Variants in YLPM1 observed in about 807,000 individuals in gnomAD.
YLPM1 encodes YLP motif-containing protein 1.
A neutral mutation model predicts 230.0 loss-of-function variants in YLPM1; 99 were observed. That is an observed-to-expected ratio of 0.43 (90% CI 0.37 to 0.51). The LOEUF (loss-of-function observed/expected upper bound fraction) is 0.51. Ranked by LOEUF, YLPM1 falls within the 20% of genes least tolerant of loss-of-function variation. The pLI, the probability that YLPM1 is intolerant of heterozygous loss-of-function variation, is 0.00. For missense variants in YLPM1, 2,592 were observed against 2,707.7 expected (o/e 0.96, Z 0.95); for synonymous variants, 984 against 942.5 (o/e 1.04, Z -0.81).
intron 1 of YLPM1, among the ~76,000 whole-genome samples, chr14:74,778,163 A>C (rs1365327340): frequency 6.6e-6 from 1 of 152,228 alleles, no homozygotes; most frequent in Non-Finnish European, 1.5e-5. Context: ...ATTTATCAAA[A>C]AGATGGCTCT....
At chr14:74,769,673 A>G (rs2090954892) in intron 1 of YLPM1, among the ~76,000 whole-genome samples, 1 of 150,400 alleles carries the variant, frequency 6.6e-6, no homozygotes, top group African/African-American at 2.4e-5. Context: ...TCCACCTGCT[A>G]CGGCCTCCCA....
intron 6 of YLPM1, among the ~76,000 whole-genome samples, chr14:74,803,899 T>C (rs1306413254): frequency 6.6e-6 from 1 of 152,220 alleles, no homozygotes; most frequent in Admixed American, 6.5e-5. Flanking sequence ...GGCTCACACC[T>C]GTAATCCCAG....
intron 4 of YLPM1, among the ~76,000 whole-genome samples, chr14:74,789,940 C>T (rs2091190318): frequency 6.6e-6 from 1 of 150,774 alleles, no homozygotes; most frequent in Admixed American, 6.6e-5. Flanking sequence ...TTTTTTTAAA[C>T]CTTCAAGAAT....
chr14:74,783,200 G>T (rs1215600740), intron 4 of YLPM1, among the ~76,000 whole-genome samples: 1 of 152,068 alleles, frequency 6.6e-6, no homozygotes, highest in Admixed American at 6.6e-5. Context: ...AGGTGGCTGG[G>T]ACCAGAGGTG....
At chr14:74,773,965 C>T (rs2091006406) in intron 1 of YLPM1, among the ~76,000 whole-genome samples, 1 of 151,948 alleles carries the variant, frequency 6.6e-6, no homozygotes, top group African/African-American at 2.4e-5. Flanking sequence ...AGGTGACCTG[C>T]CCGCCTAGAC....
rs765242229 is a variant in YLPM1, at chr14:74,798,102, C to A, written c.2805C>A (p.Ile935=). ...ATGTTCAAAGTATGGAGACTCAAAT[C>A]GACAAAGCCCAAGCTGTTACTCAGC... is the stretch of plus-strand genomic sequence containing the variant. ...DQNVQSMETQ[I]DKAQAVTQPV... The change falls in exon 5 of 21, where the codon ATC becomes ATA. Residue 935 remains isoleucine (I), a synonymous_variant. Coordinates refer to ENST00000325680, the MANE Select transcript of YLPM1 (RefSeq NM_019589.3). The A allele has an allele frequency of 6.2e-7, 1 of 1,613,912 alleles. No homozygotes were observed. The highest frequency in any genetic ancestry group is 8.5e-7 in the Non-Finnish European group (1 of 1,179,874).
intron 1 of YLPM1, among the ~76,000 whole-genome samples, chr14:74,765,468 T>G (rs1163453510): frequency 1.3e-5 from 2 of 152,212 alleles, no homozygotes; most frequent in Admixed American, 1.3e-4. Flanking sequence ...GAGAAAACAC[T>G]TGGGATGCTG....
intron 4 of YLPM1, among the ~76,000 whole-genome samples, chr14:74,792,211 C>A (rs905095271): frequency 6.6e-6 from 1 of 152,150 alleles, no homozygotes; most frequent in Non-Finnish European, 1.5e-5. Context: ...CACCTTCTTT[C>A]GCCTTTGCCC....
chr14:74,764,217 A>G lies in YLPM1; in HGVS notation c.728A>G (p.Gln243Arg). The G allele has an allele frequency of 1.9e-6, 3 of 1,611,018 alleles. No individual in the cohort carries two copies. Among genetic ancestry groups the G allele is most frequent in the Non-Finnish European group, 1.7e-6 (2 of 1,178,908 alleles). Residue 243 changes from glutamine to arginine, a missense_variant, in exon 1 of 21, where the codon CAA (glutamine) becomes CGA (arginine). Coordinates refer to ENST00000325680, the MANE Select transcript of YLPM1 (RefSeq NM_019589.3). ...SRPSQGHSKS[Q>R]LLAPPPPSAP... The stretch of plus-strand genomic sequence containing the variant: ...CCCTCCCAGGGCCATTCTAAATCCC[A>G]ACTACTAGCTCCACCACCACCGTCC...
chr14:74,828,128 A>AG, intron 18 of YLPM1: 1 of 498,516 alleles, frequency 2.0e-6, no homozygotes, highest in East Asian at 1.5e-4. Flanking sequence ...TTGAAACGTA[A>AG]ACTCACCCTT....
In YLPM1 at chr14:74,781,723, G is replaced by A. The variant is rs2091095005; in HGVS notation, c.1680G>A (p.Met560Ile). ...CTGCTACAGTGCCACCACCTGGCATGCCCCCACCTGTTATGCCACCTTCTC... is the reference window on the plus strand; with the variant it reads ...CTGCTACAGTGCCACCACCTGGCATACCCCCACCTGTTATGCCACCTTCTC... ...ALPATVPPPG[M>I]PPPVMPPSLP... Residue 560 changes from methionine to isoleucine, a missense_variant, in exon 4 of 21, where the codon ATG (methionine) becomes ATA (isoleucine). By Grantham distance (10) the Met-to-Ile change is conservative. Around this residue, in one of 4 missense-constraint regions of YLPM1, gnomAD observed 1,862 missense variants for 1,819.8 expected, o/e 1.02. Transcript: ENST00000325680. 1.3e-6 allele frequency: 2 copies of A among 1,596,644 alleles called. No homozygotes were observed. Among genetic ancestry groups the A allele is most frequent in the Non-Finnish European group, 8.5e-7 (1 of 1,175,390 alleles).
At chr14:74,824,147 C>A in intron 17 of YLPM1, 109 bp from the exon 18 acceptor site, 3 of 1,012,196 alleles carry the variant, frequency 3.0e-6, no homozygotes, top group Admixed American at 2.3e-5. Flanking sequence ...TACAGCTAGT[C>A]AGTGGAAACT....
At position 74,797,877 on chromosome 14, in the gene YLPM1, A is replaced by G. The variant is rs769917436; in HGVS notation, c.2580A>G (p.Ser860=). The change falls in exon 5 of 21, where the codon TCA becomes TCG. Residue 860 remains serine (S), a synonymous_variant. Transcript: ENST00000325680. ...QQPKSQAEPL[S]GNKEPLADTS... is the part of the protein sequence containing the mutation. ...CTAAGTCACAAGCAGAACCTCTTTC[A>G]GGAAACAAAGAACCATTAGCAGACA... The G allele has an allele frequency of 1.9e-6, 3 of 1,614,004 alleles. No homozygotes were observed. In the Admixed American group the frequency reaches 5.0e-5, roughly 27 times the overall value.
chr14:74,810,035 C>T (rs1163189699), intron 8 of YLPM1, 33 bp downstream of exon 8: 1 of 1,546,706 alleles, frequency 6.5e-7, no homozygotes, highest in East Asian at 2.3e-5. Context: ...TATTTTTAAA[C>T]ATTTTAGGGC....
chr14:74,837,164 G>T lies in YLPM1; in HGVS notation c.*1426G>T, dbSNP rs1359959653. Reference sequence around the variant, plus strand: ...TTCAACAAATTGATATTATAGTACTGAATACCCCTAATTTAATGGAAATTC... The same window carrying T: ...TTCAACAAATTGATATTATAGTACTTAATACCCCTAATTTAATGGAAATTC... On this transcript the variant is annotated 3_prime_UTR_variant, in exon 21 of 21. Transcript: ENST00000325680. The T allele has an allele frequency of 6.6e-6, 1 of 152,076 alleles. No homozygotes were observed. Among genetic ancestry groups the T allele is most frequent in the Non-Finnish European group, 1.5e-5 (1 of 68,004 alleles). 9.4% of individuals were successfully genotyped at this position (152,076 alleles called of 1,614,324 possible).
chr14:74,835,168 A>G, intron 19 of YLPM1, 97 bp from the exon 20 acceptor site: 1 of 1,455,436 alleles, frequency 6.9e-7, no homozygotes, highest in Non-Finnish European at 9.2e-7. Context: ...TGCGGTTTCA[A>G]ATGAGTCATT....
At chr14:74,792,074 T>C (rs1385008605) in intron 4 of YLPM1, among the ~76,000 whole-genome samples, 1 of 152,236 alleles carries the variant, frequency 6.6e-6, no homozygotes, top group African/African-American at 2.4e-5. Flanking sequence ...TTTAAATTAA[T>C]AAGTGTAATT....
At chr14:74,800,924 C>T (rs897106871) in intron 5 of YLPM1, among the ~76,000 whole-genome samples, 3 of 152,132 alleles carry the variant, frequency 2.0e-5, no homozygotes, top group African/African-American at 7.2e-5. Context: ...GTATTATCCC[C>T]ACTTCACAAA....
chr14:74,802,044 G>A (rs760805612), intron 5 of YLPM1, among the ~76,000 whole-genome samples: 18 of 151,456 alleles, frequency 1.2e-4, no homozygotes, highest in Non-Finnish European at 2.2e-4. Flanking sequence ...GTGAAACCCC[G>A]TCTCTACTAA....
Sources: gnomAD v4.1 joint callset for allele counts (sites outside exome capture counted in the v4.1 genomes callset) on GRCh38, gnomAD v4.1.1 for gene constraint, gnomAD v4.1.1 regional missense constraint, MANE v1.5 for transcripts, NCBI Gene and HGNC (gene_info 2026-07-23, HGNC 2026-07-21) for gene names.